The following MARCHF1 variants were observed in gnomAD, a reference collection of about 807,000 sequenced individuals.
MARCHF1 encodes the protein E3 ubiquitin-protein ligase MARCHF1.
A neutral mutation model predicts 54.2 loss-of-function variants in MARCHF1; 40 were observed. That is an observed-to-expected ratio of 0.74 (90% CI 0.57 to 0.96). MARCHF1 has a LOEUF of 0.96. Ranked by LOEUF, MARCHF1 falls within the 40% of genes least tolerant of loss-of-function variation. The pLI is 0.00. For missense variants in MARCHF1, 586 were observed against 656.5 expected (o/e 0.89, Z 1.17); for synonymous variants, 236 against 236.3 (o/e 1.00, Z 0.01).
At chr4:163,727,185 A>AC (rs1745682225) in intron 4 of MARCHF1, among the ~76,000 whole-genome samples, 1 of 152,228 alleles carries the variant, frequency 6.6e-6, no homozygotes, top group East Asian at 1.9e-4. Context: ...TCCTGTAAAA[A>AC]TAGTGGCTGT....
At position 163,545,510 on chromosome 4, in the gene MARCHF1, G is replaced by A. The variant is rs1014349052; in HGVS notation, c.1339+86C>T. 12 of 1,315,504 alleles carry A rather than the reference G, an allele frequency of 9.1e-6. No homozygotes were observed. The African/African-American group carries it at 1.0e-4, about 11-fold the overall frequency. 81.5% of individuals were successfully genotyped at this position (1,315,504 alleles called of 1,614,324 possible). A position where few individuals can be genotyped will look rare whatever the true frequency, so the allele number is the denominator to read the frequency against. ...TTCTAGTGTATCATACATGATGAAG[G>A]CCTAACCTGGGGAAATAACTTCCCT... On this transcript the variant is annotated intron_variant, in intron 9 of 9. Transcript: ENST00000514618.
At chr4:164,223,137 A>G (rs1455985033) in intron 1 of MARCHF1, among the ~76,000 whole-genome samples, 1 of 151,944 alleles carries the variant, frequency 6.6e-6, no homozygotes, top group Non-Finnish European at 1.5e-5. Flanking sequence ...CCCACCCTTA[A>G]CACCTGGGGA....
At chr4:163,689,071 A>G (rs1030242043) in intron 5 of MARCHF1, among the ~76,000 whole-genome samples, 4 of 152,294 alleles carry the variant, frequency 2.6e-5, no homozygotes, top group Non-Finnish European at 4.4e-5. Context: ...TGAAATGCAA[A>G]TACTGACCCA....
At chr4:164,110,062 A>G (rs539463279) in intron 2 of MARCHF1, among the ~76,000 whole-genome samples, 115 of 151,440 alleles carry the variant, frequency 7.6e-4, no homozygotes, top group Middle Eastern at 6.8e-3. Context: ...TTAATGTAAA[A>G]TTTTTAAGTT....
intron 3 of MARCHF1, among the ~76,000 whole-genome samples, chr4:163,897,216 T>C (rs1402416893): frequency 6.6e-6 from 1 of 152,194 alleles, no homozygotes; most frequent in Non-Finnish European, 1.5e-5. Flanking sequence ...TTCATAACTT[T>C]TCAGCTTATT....
chr4:163,851,620 A>T (rs1167647535), intron 4 of MARCHF1, among the ~76,000 whole-genome samples: 1 of 152,214 alleles, frequency 6.6e-6, no homozygotes, highest in Non-Finnish European at 1.5e-5. Flanking sequence ...AGATAATGGA[A>T]CATGACATGA....
chr4:163,588,949 A>T (rs1413412619), intron 7 of MARCHF1, among the ~76,000 whole-genome samples: 1 of 152,114 alleles, frequency 6.6e-6, no homozygotes, highest in African/African-American at 2.4e-5. Context: ...AAATCACTCT[A>T]ACCTCTGCAA....
intron 1 of MARCHF1, among the ~76,000 whole-genome samples, chr4:164,122,468 A>C (rs1176080525): frequency 6.6e-6 from 1 of 152,120 alleles, no homozygotes; most frequent in African/African-American, 2.4e-5. Flanking sequence ...GTGCTGATCA[A>C]CTGGAAAGCC....
At chr4:163,796,221 G>GTTGTTTTT (rs1554014060) in intron 4 of MARCHF1, among the ~76,000 whole-genome samples, 2 of 82,234 alleles carry the variant, frequency 2.4e-5, no homozygotes, top group Non-Finnish European at 5.0e-5. Context: ...GAAACTTCTA[G>GTTGTTTTT]TTTTTTTTTT....
At chr4:164,262,484 A>G (rs1733495671) in intron 1 of MARCHF1, among the ~76,000 whole-genome samples, 1 of 152,184 alleles carries the variant, frequency 6.6e-6, no homozygotes, top group African/African-American at 2.4e-5. Flanking sequence ...AGTGACTACC[A>G]CTGCACTTTG....
At chr4:163,678,004 G>T (rs185643942) in intron 5 of MARCHF1, among the ~76,000 whole-genome samples, 1 of 152,316 alleles carries the variant, frequency 6.6e-6, no homozygotes, top group Admixed American at 6.5e-5. Context: ...CAAGAATGGT[G>T]CCTAGAATTT....
intron 2 of MARCHF1, among the ~76,000 whole-genome samples, chr4:164,075,532 C>T (rs779214270): frequency 8.5e-5 from 13 of 152,212 alleles, no homozygotes; most frequent in Non-Finnish European, 1.6e-4. Flanking sequence ...AGGCCATCCT[C>T]ACCTGACATC....
chr4:163,843,249 G>A (rs1038308399), intron 4 of MARCHF1, among the ~76,000 whole-genome samples: 4 of 151,950 alleles, frequency 2.6e-5, no homozygotes, highest in East Asian at 1.9e-4. Flanking sequence ...CCATATTTTC[G>A]TTATTCAATA....
intron 1 of MARCHF1, among the ~76,000 whole-genome samples, chr4:164,148,118 T>A (rs542499044): frequency 3.4e-5 from 5 of 148,506 alleles, no homozygotes; most frequent in Non-Finnish European, 5.9e-5. Context: ...GTTGTGATGA[T>A]CATGAACCGT....
chr4:164,099,866 T>C (rs1433464242), intron 2 of MARCHF1, among the ~76,000 whole-genome samples: 1 of 152,218 alleles, frequency 6.6e-6, no homozygotes, highest in African/African-American at 2.4e-5. Context: ...TTTTCTATTA[T>C]GGATGTGAAA....
intron 3 of MARCHF1, among the ~76,000 whole-genome samples, chr4:163,868,522 G>A (rs1376319374): frequency 6.6e-6 from 1 of 151,884 alleles, no homozygotes; most frequent in East Asian, 1.9e-4. Flanking sequence ...AACATTAGGA[G>A]CTTTAAAAGA....
intron 2 of MARCHF1, among the ~76,000 whole-genome samples, chr4:163,994,547 C>A (rs151166348): frequency 0.048 from 7,346 of 151,584 alleles, 267 homozygotes; most frequent in Non-Finnish European, 0.072. Context: ...TGTGCACATG[C>A]ACCCTAAAAC....
intron 3 of MARCHF1, among the ~76,000 whole-genome samples, chr4:163,935,566 C>T (rs989033619): frequency 2.0e-5 from 3 of 152,132 alleles, no homozygotes; most frequent in Admixed American, 2.0e-4. Context: ...AGTCTCTCAG[C>T]CTTCACAGAA....
intron 4 of MARCHF1, among the ~76,000 whole-genome samples, chr4:163,815,484 A>G (rs954777295): frequency 6.6e-6 from 1 of 152,138 alleles, no homozygotes; most frequent in Non-Finnish European, 1.5e-5. Flanking sequence ...GATGAGTTTT[A>G]TCGGTGCTAC....
Sources: allele counts gnomAD v4.1 joint callset (sites outside exome capture counted in the v4.1 genomes callset), GRCh38; gene constraint gnomAD v4.1.1; transcripts MANE v1.5; gene names NCBI Gene and HGNC (gene_info 2026-07-23, HGNC 2026-07-21).